PRELID2: variants seen among roughly 807,000 people sequenced by gnomAD.
PRELID2 encodes the protein PRELI domain-containing protein 2.
A neutral mutation model predicts 28.4 loss-of-function variants in PRELID2; 25 were observed. That is an observed-to-expected ratio of 0.88 (90% CI 0.64 to 1.23). The LOEUF (loss-of-function observed/expected upper bound fraction) is 1.23. Among genes scored for constraint, PRELID2 ranks in the 50% most tolerant of loss-of-function variants. The pLI is 0.00. For missense variants in PRELID2, 201 were observed against 214.4 expected (o/e 0.94, Z 0.39); for synonymous variants, 76 against 71.6 (o/e 1.06, Z -0.31).
the PRELID2 span, among the ~76,000 whole-genome samples, chr5:145,413,024 T>A: frequency 3.4e-4 from 51 of 152,208 alleles, no homozygotes; most frequent in African/African-American, 1.1e-3. Flanking sequence ...CCTTGACACA[T>A]TGGGATTATT....
At chr5:145,803,694 T>C (rs371141692) in intron 4 of PRELID2, among the ~76,000 whole-genome samples, 2 of 149,140 alleles carry the variant, frequency 1.3e-5, no homozygotes, top group African/African-American at 5.0e-5. Flanking sequence ...GTAATAATTA[T>C]GCTGTTCTAC....
chr5:145,368,057 G>A, the PRELID2 span, among the ~76,000 whole-genome samples: 202 of 151,918 alleles, frequency 1.3e-3, 1 homozygote, highest in Non-Finnish European at 2.4e-3. Context: ...GTCATTCGGG[G>A]TTGTCGATGT....
chr5:145,766,140 A>G (rs1184992656), intron 5 of PRELID2, among the ~76,000 whole-genome samples: 1 of 151,604 alleles, frequency 6.6e-6, no homozygotes, highest in African/African-American at 2.4e-5. Context: ...CAGGGTTATG[A>G]TGCAATTATA....
chr5:145,280,950 G>A, the PRELID2 span, among the ~76,000 whole-genome samples: 3 of 151,962 alleles, frequency 2.0e-5, no homozygotes, highest in Non-Finnish European at 2.9e-5. Flanking sequence ...TTTTTTTTAC[G>A]TAATGGAATC....
chr5:145,761,290 T>C (rs1757462262), intron 6 of PRELID2, among the ~76,000 whole-genome samples: 1 of 152,242 alleles, frequency 6.6e-6, no homozygotes, highest in African/African-American at 2.4e-5. Context: ...TGCCACTTTA[T>C]GTGCCAAACT....
intron 1 of PRELID2, among the ~76,000 whole-genome samples, chr5:145,535,351 A>G (rs562907629): frequency 6.6e-6 from 1 of 151,962 alleles, no homozygotes; most frequent in South Asian, 2.1e-4. Flanking sequence ...TCTTAGAATC[A>G]CACAGCTAAT....
chr5:145,358,013 G>A, the PRELID2 span, among the ~76,000 whole-genome samples: 9 of 151,956 alleles, frequency 5.9e-5, no homozygotes, highest in Non-Finnish European at 1.5e-5. Context: ...CTGCTCTTGG[G>A]TCTTGGACGA....
At chr5:145,523,950 T>G (rs541146977) in intron 1 of PRELID2, among the ~76,000 whole-genome samples, 1 of 152,328 alleles carries the variant, frequency 6.6e-6, no homozygotes, top group African/African-American at 2.4e-5. Context: ...TTCTGGTGTA[T>G]ATGCCTAGAA....
intron 1 of PRELID2, among the ~76,000 whole-genome samples, chr5:145,555,314 T>C (rs1752871916): frequency 6.6e-6 from 1 of 152,198 alleles, no homozygotes; most frequent in Non-Finnish European, 1.5e-5. Flanking sequence ...TCTGAATTTT[T>C]AAAAAATGTC....
At chr5:145,615,711 C>G (rs1753689190) in intron 1 of PRELID2, among the ~76,000 whole-genome samples, 1 of 152,094 alleles carries the variant, frequency 6.6e-6, no homozygotes, top group African/African-American at 2.4e-5. Flanking sequence ...AGCATTTAGG[C>G]CATTTACATT....
the PRELID2 span, among the ~76,000 whole-genome samples, chr5:145,427,271 T>C: frequency 6.6e-6 from 1 of 152,160 alleles, no homozygotes; most frequent in East Asian, 1.9e-4. Flanking sequence ...AGAAGAACAC[T>C]AAGAGTATTT....
the PRELID2 span, among the ~76,000 whole-genome samples, chr5:145,418,286 T>A: frequency 6.6e-6 from 1 of 152,072 alleles, no homozygotes; most frequent in Non-Finnish European, 1.5e-5. Context: ...TTAGGAAGAA[T>A]CAATATCATG....
At chr5:145,360,203 C>T in the PRELID2 span, among the ~76,000 whole-genome samples, 1 of 152,154 alleles carries the variant, frequency 6.6e-6, no homozygotes, top group Non-Finnish European at 1.5e-5. Flanking sequence ...AATGGGGAGA[C>T]TCACCCCCAA....
At chr5:145,239,972 C>A in the PRELID2 span, among the ~76,000 whole-genome samples, 1 of 152,034 alleles carries the variant, frequency 6.6e-6, no homozygotes, top group Non-Finnish European at 1.5e-5. Context: ...CAAAGCATAT[C>A]GTTGAATGCT....
At chr5:145,742,530 C>T (rs1387927995) in intron 1 of PRELID2, among the ~76,000 whole-genome samples, 1 of 17,176 alleles carries the variant, frequency 5.8e-5, no homozygotes, top group Non-Finnish European at 1.2e-4. Context: ...TCAAGGGATA[C>T]CAAAAAAAAA....
At chr5:145,433,625 C>T in the PRELID2 span, among the ~76,000 whole-genome samples, 2 of 152,122 alleles carry the variant, frequency 1.3e-5, no homozygotes, top group Admixed American at 1.3e-4. Flanking sequence ...GCCAGGTACC[C>T]TCTCCTCAGA....
intron 2 of PRELID2, among the ~76,000 whole-genome samples, chr5:145,472,835 T>C (rs1752066266): frequency 3.3e-5 from 5 of 152,146 alleles, no homozygotes; most frequent in Admixed American, 3.3e-4. Context: ...GCCTGAATCA[T>C]CATTCTCTGG....
intron 1 of PRELID2, among the ~76,000 whole-genome samples, chr5:145,509,798 A>G (rs1157369527): frequency 6.6e-6 from 1 of 152,188 alleles, no homozygotes; most frequent in Non-Finnish European, 1.5e-5. Flanking sequence ...TGACACATCA[A>G]GCATCTTGCC....
chr5:145,455,274 C>A, the PRELID2 span, among the ~76,000 whole-genome samples: 15 of 152,038 alleles, frequency 9.9e-5, no homozygotes, highest in African/African-American at 3.4e-4. Flanking sequence ...AGATATGTGG[C>A]ATTATTTCTG....
Sources: gnomAD v4.1 joint callset for allele counts (sites outside exome capture counted in the v4.1 genomes callset) on GRCh38, gnomAD v4.1.1 for gene constraint, MANE v1.5 for transcripts, NCBI Gene and HGNC (gene_info 2026-07-23, HGNC 2026-07-21) for gene names.